Variants in KCNK13 observed in about 807,000 individuals in gnomAD.
The protein encoded by KCNK13 is potassium channel subfamily K member 13.
A neutral mutation model predicts 23.4 loss-of-function variants in KCNK13; 12 were observed. The ratio of observed to expected loss-of-function variants is 0.51; its 90% confidence interval spans 0.33 to 0.83. The LOEUF (loss-of-function observed/expected upper bound fraction) is 0.83. Among genes scored for constraint, KCNK13 ranks in the 40% least tolerant of loss-of-function variants. The pLI is 0.02. For synonymous variants in KCNK13, 231 were observed against 229.5 expected (o/e 1.01, Z -0.06); for missense variants, 463 against 556.3 (o/e 0.83, Z 1.69).
intron 1 of KCNK13, among the ~76,000 whole-genome samples, chr14:90,150,366 C>T (rs538115722): frequency 9.2e-5 from 14 of 152,068 alleles, no homozygotes; most frequent in Non-Finnish European, 1.6e-4. Flanking sequence ...TGTAATCCAG[C>T]GTTTGGGGAG....
chr14:90,158,015 C>T (rs552358736), intron 1 of KCNK13, among the ~76,000 whole-genome samples: 5 of 152,090 alleles, frequency 3.3e-5, no homozygotes, highest in Admixed American at 1.3e-4. Context: ...TTTATTTTTT[C>T]GAAGGATCAG....
At chr14:90,155,533 A>G (rs560094369) in intron 1 of KCNK13, among the ~76,000 whole-genome samples, 1 of 152,330 alleles carries the variant, frequency 6.6e-6, no homozygotes, top group East Asian at 1.9e-4. Context: ...GGGACCATTC[A>G]GGAGACTCCT....
At chr14:90,093,270 C>T (rs1889370785) in intron 1 of KCNK13, among the ~76,000 whole-genome samples, 1 of 152,200 alleles carries the variant, frequency 6.6e-6, no homozygotes, top group Non-Finnish European at 1.5e-5. Context: ...CTCAAAGCCT[C>T]AGATTGTATT....
chr14:90,113,836 G>T (rs1397123886), intron 1 of KCNK13, among the ~76,000 whole-genome samples: 2 of 152,112 alleles, frequency 1.3e-5, no homozygotes, highest in South Asian at 2.1e-4. Context: ...GGGAGGCTGA[G>T]GCAGGAGAAT....
At chr14:90,133,496 A>G (rs1045498031) in intron 1 of KCNK13, among the ~76,000 whole-genome samples, 1 of 152,030 alleles carries the variant, frequency 6.6e-6, no homozygotes, top group African/African-American at 2.4e-5. Context: ...ATCTGAAAAG[A>G]CATTGAATTG....
intron 1 of KCNK13, among the ~76,000 whole-genome samples, chr14:90,101,789 CCA>C (rs1491183099): frequency 6.5e-5 from 1 of 15,476 alleles, no homozygotes; most frequent in Non-Finnish European, 1.2e-4. Context: ...GACTCCGTCT[CCA>C]AAAAAAAAAA....
chr14:90,073,608 A>G (rs57452386), intron 1 of KCNK13, among the ~76,000 whole-genome samples: 10,423 of 152,220 alleles, frequency 0.068, 430 homozygotes, highest in East Asian at 0.2. Context: ...CGTGGGGTTC[A>G]TGGTATTTTA....
chr14:90,138,588 T>C (rs4480727), intron 1 of KCNK13, among the ~76,000 whole-genome samples: 64,414 of 152,066 alleles, frequency 0.42, 14,799 homozygotes, highest in East Asian at 0.87. Flanking sequence ...TGAGAATTTA[T>C]ATAAAATGTC....
At chr14:90,092,913 A>C (rs1889365848) in intron 1 of KCNK13, among the ~76,000 whole-genome samples, 2 of 18,600 alleles carry the variant, frequency 1.1e-4, no homozygotes, top group African/African-American at 3.3e-4. Flanking sequence ...CCCTGTCTCC[A>C]AAAAAAAAAA....
chr14:90,151,955 A>T (rs1408966036), intron 1 of KCNK13, among the ~76,000 whole-genome samples: 1 of 151,964 alleles, frequency 6.6e-6, no homozygotes, highest in Non-Finnish European at 1.5e-5. Context: ...TATTTCTGAG[A>T]TCTCTATTCT....
intron 1 of KCNK13, among the ~76,000 whole-genome samples, chr14:90,170,086 A>G (rs1890347285): frequency 6.6e-6 from 1 of 152,186 alleles, no homozygotes; most frequent in South Asian, 2.1e-4. Context: ...AAAATAATTG[A>G]GTTCCTTCAG....
chr14:90,159,946 G>GGTGT (rs3060015), intron 1 of KCNK13, among the ~76,000 whole-genome samples: 6,492 of 148,288 alleles, frequency 0.044, 253 homozygotes, highest in Admixed American at 0.14. Context: ...TGTGTGTAGG[G>GGTGT]GTGTGTGTGT....
intron 1 of KCNK13, among the ~76,000 whole-genome samples, chr14:90,096,323 G>A (rs1031557633): frequency 6.6e-6 from 1 of 152,044 alleles, no homozygotes; most frequent in Non-Finnish European, 1.5e-5. Context: ...AACTACCTAG[G>A]GGCTGCCAGT....
intron 1 of KCNK13, among the ~76,000 whole-genome samples, chr14:90,154,587 G>A (rs1040152881): frequency 9.9e-5 from 15 of 152,180 alleles, no homozygotes; most frequent in African/African-American, 3.1e-4. Context: ...CTGCCATTGC[G>A]TGATTGGTTA....
intron 1 of KCNK13, among the ~76,000 whole-genome samples, chr14:90,138,150 T>C (rs756099925): frequency 6.6e-6 from 1 of 152,238 alleles, no homozygotes; most frequent in Non-Finnish European, 1.5e-5. Flanking sequence ...GCTATTTTTT[T>C]CAAAATGTAA....
chr14:90,171,783 A>G (rs932243230), intron 1 of KCNK13, among the ~76,000 whole-genome samples: 6 of 152,218 alleles, frequency 3.9e-5, no homozygotes, highest in Admixed American at 3.9e-4. Context: ...CTCAGTGAGC[A>G]GAGGGGTGAC....
Position 90,062,340 on chromosome 14 carries a change from C to G in KCNK13, c.135C>G (p.His45Gln), listed in dbSNP as rs926455987. The G allele has an allele frequency of 1.2e-5, 18 of 1,555,262 alleles. No homozygotes were observed. Among genetic ancestry groups the G allele is most frequent in the Non-Finnish European group, 1.4e-5 (16 of 1,154,654 alleles). ...AAVFSALELA[H>Q]ERQAKQRWEE... ...TCTTCTCCGCGCTGGAGCTGGCGCA[C>G]GAGCGCCAGGCCAAGCAGCGCTGGG... Residue 45 changes from histidine to glutamine, a missense_variant, in exon 1 of 2, where the codon CAC becomes CAG. Around this residue, in one of 3 missense-constraint regions of KCNK13, gnomAD observed 153 missense variants for 153.6 expected, o/e 1.00. Coordinates refer to ENST00000282146, the MANE Select transcript of KCNK13 (RefSeq NM_022054.4). This position sits in a 1 kb window ranked among gnomAD's most constrained non-coding sequence, Gnocchi z 4.5.
At chr14:90,150,411 A>T (rs573637450) in intron 1 of KCNK13, among the ~76,000 whole-genome samples, 1 of 152,306 alleles carries the variant, frequency 6.6e-6, no homozygotes, top group East Asian at 1.9e-4. Flanking sequence ...CCAGGAGTTC[A>T]AGACAAGCCT....
intron 1 of KCNK13, among the ~76,000 whole-genome samples, chr14:90,162,362 G>A (rs1890261305): frequency 6.6e-6 from 1 of 152,160 alleles, no homozygotes; most frequent in Admixed American, 6.6e-5. Context: ...AGATGGTGCT[G>A]AAGAGCCTAC....
Sources: gnomAD v4.1 joint callset for allele counts (sites outside exome capture counted in the v4.1 genomes callset) on GRCh38, gnomAD v4.1.1 for gene constraint, gnomAD v4.1.1 regional missense constraint, Gnocchi (gnomAD v3.1) non-coding constraint, MANE v1.5 for transcripts, NCBI Gene and HGNC (gene_info 2026-07-23, HGNC 2026-07-21) for gene names.